The following GRAMD2B variants were observed in gnomAD, a reference collection of about 807,000 sequenced individuals.
The protein encoded by GRAMD2B is GRAM domain-containing protein 2B.
Under a neutral mutation model 59.2 loss-of-function variants are expected in GRAMD2B, and 41 were observed. That is an observed-to-expected ratio of 0.69 (90% CI 0.54 to 0.90). The LOEUF is 0.90. Ranked by LOEUF, GRAMD2B falls within the 40% of genes least tolerant of loss-of-function variation. The pLI is 0.00. For synonymous variants in GRAMD2B, 161 were observed against 182.7 expected (o/e 0.88, Z 0.96); for missense variants, 424 against 500.5 (o/e 0.85, Z 1.46).
At chr5:126,438,056 A>G (rs748556371) in intron 1 of GRAMD2B, among the ~76,000 whole-genome samples, 5 of 151,998 alleles carry the variant, frequency 3.3e-5, no homozygotes, top group Non-Finnish European at 7.4e-5. Context: ...ATCCCTTGCC[A>G]TTCTCACCAC....
chr5:126,387,350 A>G (rs1756249436), intron 1 of GRAMD2B, among the ~76,000 whole-genome samples: 1 of 151,694 alleles, frequency 6.6e-6, no homozygotes, highest in Non-Finnish European at 1.5e-5. Context: ...TTTTCCCAAC[A>G]TTGCTACTGG....
chr5:126,423,778 G>A, intron 1 of GRAMD2B, 89 bp downstream of exon 1: 1 of 1,302,742 alleles, frequency 7.7e-7, no homozygotes, highest in Non-Finnish European at 1.0e-6. Flanking sequence ...GGGTGGATGC[G>A]GATTTCTGGA....
At chr5:126,385,289 G>C (rs927705935) in intron 1 of GRAMD2B, among the ~76,000 whole-genome samples, 1 of 152,170 alleles carries the variant, frequency 6.6e-6, no homozygotes, top group African/African-American at 2.4e-5. Context: ...ATTCAGATTT[G>C]ACTCTCAGCA....
rs76457593 is a variant in GRAMD2B at position 126,465,631 on chromosome 5, T to C, written c.203+86T>C. ...AGGAGCAGGGGTTTTTTGTTAAGAGTGAGGATGTATTAATACTATAGACAA... is the reference window on the plus strand; with the variant it reads ...AGGAGCAGGGGTTTTTTGTTAAGAGCGAGGATGTATTAATACTATAGACAA... On this transcript the variant is annotated intron_variant, in intron 2 of 13. Coordinates refer to ENST00000285689, the MANE Select transcript of GRAMD2B (RefSeq NM_023927.4). The C allele has an allele frequency of 1.5e-3, 1,837 of 1,190,722 alleles. 16 individuals carry two copies. The African/African-American group carries it at 0.025, about 16-fold the overall frequency. 73.8% of individuals were successfully genotyped at this position (1,190,722 alleles called of 1,614,324 possible).
At chr5:126,413,654 T>C (rs1342273238) in intron 1 of GRAMD2B, among the ~76,000 whole-genome samples, 6 of 152,180 alleles carry the variant, frequency 3.9e-5, no homozygotes, top group East Asian at 1.9e-4. Context: ...GAAATGTCTT[T>C]GTTAGTTTTC....
chr5:126,453,696 G>A (rs1190896230), intron 1 of GRAMD2B, among the ~76,000 whole-genome samples: 1 of 152,146 alleles, frequency 6.6e-6, no homozygotes, highest in African/African-American at 2.4e-5. Flanking sequence ...TTTCCATATG[G>A]TTTCAAATTA....
rs761226926 is a variant in GRAMD2B at position 126,465,558 on chromosome 5, T to C, written c.203+13T>C. ...TCATTAGCCTATGGTAAGTCCTCCG[T>C]TGACTCTCTTTGTTCTCTTTTGTCT... On this transcript the variant is annotated intron_variant, in intron 2 of 13. Transcript: ENST00000285689. 2.0e-5 allele frequency: 32 copies of C among 1,610,166 alleles called. No individual in the cohort carries two copies. In the South Asian group the frequency reaches 3.3e-4, roughly 17 times the overall value.
At chr5:126,419,716 T>G (rs754232851), upstream of GRAMD2B, among the ~76,000 whole-genome samples, 13 of 152,304 alleles carry the variant, frequency 8.5e-5, no homozygotes, top group East Asian at 1.9e-4. Flanking sequence ...GTCTGGCATC[T>G]TCTACCAAAG....
At chr5:126,410,092 C>A (rs1268839691) in intron 1 of GRAMD2B, among the ~76,000 whole-genome samples, 2 of 151,880 alleles carry the variant, frequency 1.3e-5, no homozygotes, top group Non-Finnish European at 2.9e-5. Context: ...GTTACTGTAG[C>A]CTTGTAGTAT....
chr5:126,374,908 C>A (rs1190237581), intron 1 of GRAMD2B, among the ~76,000 whole-genome samples: 8 of 152,160 alleles, frequency 5.3e-5, no homozygotes, highest in Non-Finnish European at 1.2e-4. Context: ...ATTACGTTGA[C>A]CCTTTGTTCT....
intron 1 of GRAMD2B, among the ~76,000 whole-genome samples, chr5:126,399,412 G>A (rs185726317): frequency 6.6e-6 from 1 of 152,214 alleles, no homozygotes; most frequent in African/African-American, 2.4e-5. Flanking sequence ...TTCCCCAGTT[G>A]GATCATGGAG....
At chr5:126,480,599 G>A (rs763588034) in intron 7 of GRAMD2B, 28 bp from the exon 8 acceptor site, 2 of 1,610,778 alleles carry the variant, frequency 1.2e-6, no homozygotes, top group Non-Finnish European at 1.7e-6. Context: ...AGTTAATCTG[G>A]CTTTTCGTTT....
At chr5:126,434,739 G>A (rs1488819378) in intron 1 of GRAMD2B, among the ~76,000 whole-genome samples, 3 of 152,092 alleles carry the variant, frequency 2.0e-5, no homozygotes, top group East Asian at 3.9e-4. Context: ...GGATGGTCTC[G>A]ATCTCCTGAC....
intron 1 of GRAMD2B, among the ~76,000 whole-genome samples, chr5:126,392,847 G>T (rs999116892): frequency 6.6e-6 from 1 of 152,098 alleles, no homozygotes; most frequent in African/African-American, 2.4e-5. Context: ...TCGCAATAGG[G>T]TTTGTGCTCC....
At chr5:126,364,651 C>T (rs1187757688) in intron 1 of GRAMD2B, among the ~76,000 whole-genome samples, 1 of 152,146 alleles carries the variant, frequency 6.6e-6, no homozygotes, top group African/African-American at 2.4e-5. Flanking sequence ...CCTAGCTCTG[C>T]CACCAACTAT....
At chr5:126,437,457 G>C (rs1281954718) in intron 1 of GRAMD2B, among the ~76,000 whole-genome samples, 1 of 152,178 alleles carries the variant, frequency 6.6e-6, no homozygotes, top group East Asian at 1.9e-4. Context: ...GTGGGATAGA[G>C]TTTAGAGCTA....
upstream of GRAMD2B, among the ~76,000 whole-genome samples, chr5:126,366,361 G>A (rs568724007): frequency 5.3e-5 from 8 of 152,238 alleles, no homozygotes; most frequent in East Asian, 1.9e-4. Context: ...CACAAACCAC[G>A]TGCAAACACA....
chr5:126,430,076 T>C (rs2149798006), intron 1 of GRAMD2B, among the ~76,000 whole-genome samples: 1 of 152,326 alleles, frequency 6.6e-6, no homozygotes, highest in East Asian at 1.9e-4. Flanking sequence ...TTTAGCCACT[T>C]TGCACATTTT....
At chr5:126,456,604 A>T (rs1449681682) in intron 1 of GRAMD2B, among the ~76,000 whole-genome samples, 1 of 152,020 alleles carries the variant, frequency 6.6e-6, no homozygotes, top group African/African-American at 2.4e-5. Flanking sequence ...TCAGTATTAA[A>T]CCTTATCTCT....
Sources: allele counts gnomAD v4.1 joint callset (sites outside exome capture counted in the v4.1 genomes callset), GRCh38; gene constraint gnomAD v4.1.1; transcripts MANE v1.5; gene names NCBI Gene and HGNC (gene_info 2026-07-23, HGNC 2026-07-21).